VPS26B: variants seen among roughly 807,000 people sequenced by gnomAD.
The protein encoded by VPS26B is vacuolar protein sorting-associated protein 26B.
VPS26B carries 10 observed loss-of-function variants against 33.3 expected under a neutral mutation model. The observed-to-expected ratio is 0.30, with a 90% CI of 0.19 to 0.51. VPS26B has a LOEUF of 0.51. Ranked by LOEUF, VPS26B falls within the 20% of genes least tolerant of loss-of-function variation. VPS26B has a pLI of 0.98. For missense variants in VPS26B, 317 were observed against 452.7 expected, an observed-to-expected ratio of 0.70 and a Z score of 2.72; for synonymous variants, 190 against 176.9, an observed-to-expected ratio of 1.07 and a Z score of -0.59.
intron 1 of VPS26B, among the ~76,000 whole-genome samples, chr11:134,231,754 AG>A (rs1221193458): frequency 2.0e-5 from 3 of 152,168 alleles, no homozygotes; most frequent in Admixed American, 6.5e-5. Flanking sequence ...TAGTAGTGAC[AG>A]GGTTTCACCG....
Position 134,225,025 on chromosome 11 carries a change from C to G in VPS26B, c.-98C>G, listed in dbSNP as rs1591874141. On this transcript the variant is annotated 5_prime_UTR_variant, in exon 1 of 6. Transcript: ENST00000281187. ...GGCAGCCCCGCGGCGGCCGAGCGCGCTCGCGCATCGGGCCCTCTGGCCTTC... is the reference window on the plus strand; with the variant it reads ...GGCAGCCCCGCGGCGGCCGAGCGCGGTCGCGCATCGGGCCCTCTGGCCTTC... 8 of 1,189,970 alleles carry G rather than the reference C, an allele frequency of 6.7e-6. No homozygotes were observed. Among genetic ancestry groups the G allele is most frequent in the African/African-American group, 1.6e-5 (1 of 62,276 alleles). The allele number at this position is 1,189,970 out of a possible 1,614,324, so 73.7% of individuals were successfully genotyped here.
intron 1 of VPS26B, among the ~76,000 whole-genome samples, chr11:134,232,232 G>A (rs973094672): frequency 5.8e-5 from 5 of 86,392 alleles, no homozygotes; most frequent in Non-Finnish European, 1.2e-4. Flanking sequence ...TCTTTGGGAC[G>A]GAATAGAGGC....
At chr11:134,235,880 T>C (rs1938625006) in intron 2 of VPS26B, among the ~76,000 whole-genome samples, 2 of 152,134 alleles carry the variant, frequency 1.3e-5, no homozygotes, top group Non-Finnish European at 2.9e-5. Flanking sequence ...GATAAAGCAG[T>C]CTCCCCTGTG....
Position 134,245,323 on chromosome 11 carries a change from T to A in VPS26B, c.865-121T>A. 1 of 1,449,114 alleles carries A rather than the reference T, an allele frequency of 6.9e-7. No homozygotes were observed. The highest frequency in any genetic ancestry group is 1.3e-5 in the South Asian group (1 of 76,210). 89.8% of individuals were successfully genotyped at this position (1,449,114 alleles called of 1,614,324 possible). On this transcript the variant is annotated intron_variant, in intron 5 of 5. Coordinates refer to ENST00000281187, the MANE Select transcript of VPS26B (RefSeq NM_052875.5). This position sits in a 1 kb window ranked among gnomAD's most constrained non-coding sequence, Gnocchi z 4.7. Reference sequence around the variant, plus strand: ...AGGTGCTGGCAGCTGCTGCCTTTGGTGAGAGAGAAGCAGAGGAGGTCCTTG... The same window carrying A: ...AGGTGCTGGCAGCTGCTGCCTTTGGAGAGAGAGAAGCAGAGGAGGTCCTTG...
intron 2 of VPS26B, among the ~76,000 whole-genome samples, chr11:134,237,155 ACTTTT>A (rs1281534785): frequency 1.3e-5 from 2 of 152,178 alleles, no homozygotes; most frequent in Non-Finnish European, 2.9e-5. Context: ...ATTATTGTGG[ACTTTT>A]CTTTTGTCTT....
chr11:134,240,123 T>A lies in VPS26B; in HGVS notation c.513T>A (p.Cys171Ter). Residue 171 changes from cysteine to a stop codon, truncating the protein, a stop_gained, in exon 3 of 6, where the codon TGT (cysteine) becomes TGA (stop). Transcript: ENST00000281187. LOFTEE classifies it high-confidence loss of function. The surrounding 1 kb of genome is among the most constrained non-coding windows in gnomAD (Gnocchi z 4.4). ...AGATGGAGGTTGGGATTGAGGACTG[T>A]CTGCACATTGAATTTGAGTACAATA... ...SIKMEVGIED[C>*]LHIEFEYNKS... 6.2e-7 allele frequency: 1 copy of A among 1,614,230 alleles called. No homozygotes were observed. The highest frequency in any genetic ancestry group is 8.5e-7 in the Non-Finnish European group (1 of 1,180,036).
chr11:134,242,470 G>A (rs183440244), intron 3 of VPS26B, among the ~76,000 whole-genome samples: 3 of 152,202 alleles, frequency 2.0e-5, no homozygotes, highest in Non-Finnish European at 2.9e-5. Flanking sequence ...GATTTTACTC[G>A]TTCTCTCATG....
In VPS26B at chr11:134,240,001, C is replaced by T. The variant is rs201072669; in HGVS notation, c.391C>T (p.Arg131Cys). Residue 131 changes from arginine (R) to cysteine (C), a missense_variant, in exon 3 of 6, where the codon CGT becomes TGT. Transcript: ENST00000281187. This position sits in a 1 kb window ranked among gnomAD's most constrained non-coding sequence, Gnocchi z 4.4. ...GQNVKLRYFLRATISRRLNDV... is the reference protein window; with the variant it reads ...GQNVKLRYFLCATISRRLNDV... Reference sequence around the variant, plus strand: ...TTCCGTCTCCTACAGCTATTTCCTTCGTGCTACCATCAGCCGCCGCCTCAA... The same window carrying T: ...TTCCGTCTCCTACAGCTATTTCCTTTGTGCTACCATCAGCCGCCGCCTCAA... 1.2e-5 allele frequency: 19 copies of T among 1,613,996 alleles called. No homozygotes were observed. The highest frequency in any genetic ancestry group is 1.4e-5 in the Non-Finnish European group (17 of 1,180,032).
At chr11:134,238,842 G>A (rs1471161512) in intron 2 of VPS26B, among the ~76,000 whole-genome samples, 5 of 152,066 alleles carry the variant, frequency 3.3e-5, no homozygotes, top group East Asian at 3.9e-4. Context: ...TGATCCGCCC[G>A]CCTCTGCCTC....
chr11:134,235,112 A>G lies in VPS26B; in HGVS notation c.380+59A>G, dbSNP rs1247972827. On this transcript the variant is annotated intron_variant, in intron 2 of 5. Coordinates refer to ENST00000281187, the MANE Select transcript of VPS26B (RefSeq NM_052875.5). ...TAGAACCTGCCCCATGTGGACAAGG[A>G]CCTGAGGCCGTCCCCACTTTGAGAA... 1.1e-5 allele frequency: 17 copies of G among 1,553,388 alleles called. No individual in the cohort carries two copies. The East Asian group carries it at 3.5e-4, about 32-fold the overall frequency.
chr11:134,243,028 G>T, intron 3 of VPS26B, 91 bp from the exon 4 acceptor site: 1 of 1,323,536 alleles, frequency 7.6e-7, no homozygotes, highest in South Asian at 1.3e-5. Flanking sequence ...CGTTTAACCA[G>T]CACGCTTGGC....
chr11:134,243,006 C>T (rs1938756754), intron 3 of VPS26B, 113 bp from the exon 4 acceptor site: 7 of 1,027,180 alleles, frequency 6.8e-6, no homozygotes, highest in Non-Finnish European at 1.0e-5. Context: ...GTGAGTGTGT[C>T]CTGCAACTGG....
intron 2 of VPS26B, among the ~76,000 whole-genome samples, chr11:134,238,292 A>G (rs1938663611): frequency 1.3e-5 from 2 of 152,208 alleles, no homozygotes; most frequent in African/African-American, 4.8e-5. Context: ...GTGAAAATGC[A>G]GAGACATGTT....
At chr11:134,229,304 T>C (rs1938525010) in intron 1 of VPS26B, among the ~76,000 whole-genome samples, 1 of 152,192 alleles carries the variant, frequency 6.6e-6, no homozygotes, top group Admixed American at 6.5e-5. Context: ...ATTACATACA[T>C]GAGTCACTGT....
chr11:134,239,777 A>G, intron 2 of VPS26B: 1 of 567,598 alleles, frequency 1.8e-6, no homozygotes, highest in South Asian at 2.0e-5. Flanking sequence ...AGGGTCTTTG[A>G]ACTCCCTAGA....
intron 2 of VPS26B, chr11:134,236,419 G>A (rs1938633220): frequency 6.6e-6 from 1 of 152,124 alleles, no homozygotes; most frequent in African/African-American, 2.4e-5. Flanking sequence ...AAATTAAACA[G>A]AATTACCATA....
At chr11:134,237,870 C>G (rs1260470101) in intron 2 of VPS26B, among the ~76,000 whole-genome samples, 1 of 152,058 alleles carries the variant, frequency 6.6e-6, no homozygotes, top group Non-Finnish European at 1.5e-5. Flanking sequence ...GGTGCAGAAC[C>G]CGCCTTGTGA....
Position 134,226,193 on chromosome 11 carries a change from G to C in VPS26B, c.223+848G>C, listed in dbSNP as rs1938466147. On this transcript the variant is annotated intron_variant, in intron 1 of 5. Coordinates refer to ENST00000281187, the MANE Select transcript of VPS26B (RefSeq NM_052875.5). ...AAGTGGGAGGATTGCTTGAGGCCAGGAGTTGGAGACCAGCCTGGGCAATAT... is the reference window on the plus strand; with the variant it reads ...AAGTGGGAGGATTGCTTGAGGCCAGCAGTTGGAGACCAGCCTGGGCAATAT... Among the ~76,000 whole-genome samples the C allele has an allele frequency of 3.3e-5, 5 of 152,246 alleles. No individual in the cohort carries two copies. In the South Asian group the frequency reaches 1.0e-3, roughly 32 times the overall value.
intron 3 of VPS26B, among the ~76,000 whole-genome samples, chr11:134,241,513 C>T (rs756232276): frequency 7.2e-5 from 11 of 152,194 alleles, no homozygotes; most frequent in Non-Finnish European, 8.8e-5. Flanking sequence ...GGCATGGGAA[C>T]AGGTTCTCCC....
Sources: gnomAD v4.1 joint callset for allele counts (sites outside exome capture counted in the v4.1 genomes callset) on GRCh38, gnomAD v4.1.1 for gene constraint, Gnocchi (gnomAD v3.1) non-coding constraint, MANE v1.5 for transcripts, NCBI Gene and HGNC (gene_info 2026-07-23, HGNC 2026-07-21) for gene names.